MTUS2: variants seen among roughly 807,000 people sequenced by gnomAD.
The protein encoded by MTUS2 is microtubule-associated tumor suppressor candidate 2.
A neutral mutation model predicts 114.1 loss-of-function variants in MTUS2; 40 were observed. That is an observed-to-expected ratio of 0.35 (90% CI 0.27 to 0.46). The LOEUF is 0.46. Ranked by LOEUF, MTUS2 falls within the 20% of genes least tolerant of loss-of-function variation. MTUS2 has a pLI of 1.00. For missense variants in MTUS2, 1,679 were observed against 1,705.4 expected (o/e 0.98, Z 0.27); for synonymous variants, 688 against 672.0 (o/e 1.02, Z -0.37).
At chr13:29,045,099 T>G (rs370546813) in intron 4 of MTUS2, among the ~76,000 whole-genome samples, 1 of 152,228 alleles carries the variant, frequency 6.6e-6, no homozygotes, top group African/African-American at 2.4e-5. Context: ...AAACTTACTT[T>G]ATTAGGCCAG....
At chr13:29,277,480 G>T (rs1483264766) in intron 5 of MTUS2, among the ~76,000 whole-genome samples, 1 of 152,180 alleles carries the variant, frequency 6.6e-6, no homozygotes, top group African/African-American at 2.4e-5. Context: ...TGTGATATTT[G>T]TCTTATACAG....
chr13:29,227,696 C>A (rs1896166299), intron 5 of MTUS2, among the ~76,000 whole-genome samples: 1 of 152,190 alleles, frequency 6.6e-6, no homozygotes. Context: ...GTTACTTTAT[C>A]CTTGGAATAA....
chr13:29,419,225 G>A (rs568086418), intron 8 of MTUS2, among the ~76,000 whole-genome samples: 12 of 152,264 alleles, frequency 7.9e-5, no homozygotes, highest in South Asian at 2.1e-4. Flanking sequence ...GCTGGGACTC[G>A]AGTCTCATTA....
intron 4 of MTUS2, among the ~76,000 whole-genome samples, chr13:29,050,483 C>T (rs1887841306): frequency 6.6e-6 from 1 of 152,142 alleles, no homozygotes; most frequent in Non-Finnish European, 1.5e-5. Context: ...ATCTCCTATC[C>T]TGTATATTTT....
chr13:29,322,268 A>G (rs1900285245), intron 6 of MTUS2, among the ~76,000 whole-genome samples: 1 of 152,236 alleles, frequency 6.6e-6, no homozygotes, highest in African/African-American at 2.4e-5. Flanking sequence ...CTCAGCTTTC[A>G]GGAGTCTTAG....
chr13:28,954,467 C>T (rs762052251), intron 2 of MTUS2, among the ~76,000 whole-genome samples: 12 of 152,124 alleles, frequency 7.9e-5, no homozygotes, highest in East Asian at 3.9e-4. Context: ...TCCATGCACA[C>T]GGGGCATTTC....
chr13:29,404,176 C>CAAAAAA lies in MTUS2; in HGVS notation c.3118-35796_3118-35791dup, dbSNP rs33920912. 9.4e-5 allele frequency among the ~76,000 whole-genome samples: 12 copies of CAAAAAA among 127,772 alleles called. No homozygotes were observed. In the East Asian group the frequency reaches 2.1e-3, roughly 22 times the overall value. The allele number at this position is 127,772 out of a possible 152,430, so 83.8% of individuals were successfully genotyped here. ...CCTGCATGGTAAAACTCCATCTCTA[C>CAAAAAA]AAAAAAAAAAAAAAAAGTACAAAAA... On this transcript the variant is annotated intron_variant, in intron 8 of 15. Coordinates refer to ENST00000612955, the MANE Select transcript of MTUS2 (RefSeq NM_001033602.4).
intron 8 of MTUS2, among the ~76,000 whole-genome samples, chr13:29,390,164 G>A (rs1363983820): frequency 2.1e-5 from 3 of 144,648 alleles, no homozygotes; most frequent in African/African-American, 5.2e-5. Flanking sequence ...ACACACACTT[G>A]TGTGTGTGTG....
intron 8 of MTUS2, among the ~76,000 whole-genome samples, chr13:29,395,408 G>T (rs1232661819): frequency 6.6e-6 from 1 of 152,214 alleles, no homozygotes; most frequent in Non-Finnish European, 1.5e-5. Context: ...TGGTGGATTA[G>T]ATTGTAGGGA....
intron 2 of MTUS2, among the ~76,000 whole-genome samples, chr13:29,003,700 T>G (rs906126619): frequency 6.6e-6 from 1 of 152,168 alleles, no homozygotes; most frequent in African/African-American, 2.4e-5. Flanking sequence ...GCAAGAGAAG[T>G]CTTCTCAGGT....
chr13:29,134,141 T>C (rs770246535), intron 5 of MTUS2, among the ~76,000 whole-genome samples: 4 of 152,232 alleles, frequency 2.6e-5, no homozygotes, highest in Admixed American at 6.5e-5. Context: ...TCTTTTTTGA[T>C]TTGTTGGTTG....
At chr13:28,939,520 C>G (rs897098831) in intron 2 of MTUS2, among the ~76,000 whole-genome samples, 1 of 151,964 alleles carries the variant, frequency 6.6e-6, no homozygotes, top group Admixed American at 6.6e-5. Flanking sequence ...TAAGAAGCAT[C>G]AACAAAACAG....
At chr13:29,193,119 G>T (rs1234376773) in intron 5 of MTUS2, among the ~76,000 whole-genome samples, 1 of 152,150 alleles carries the variant, frequency 6.6e-6, no homozygotes, top group Admixed American at 6.6e-5. Context: ...CTGCAGAAAT[G>T]CTGTTAATAT....
At chr13:29,062,929 G>C (rs776713582) in intron 4 of MTUS2, among the ~76,000 whole-genome samples, 1 of 152,144 alleles carries the variant, frequency 6.6e-6, no homozygotes, top group African/African-American at 2.4e-5. Flanking sequence ...CATCATTTTC[G>C]TGTTTTTGAA....
At chr13:29,205,818 A>G (rs1398542353) in intron 5 of MTUS2, among the ~76,000 whole-genome samples, 2 of 152,192 alleles carry the variant, frequency 1.3e-5, no homozygotes, top group East Asian at 3.8e-4. Context: ...ACTGATGGAC[A>G]TTTGGGATGA....
chr13:28,938,190 C>G (rs1169762060), intron 2 of MTUS2, among the ~76,000 whole-genome samples: 1 of 152,126 alleles, frequency 6.6e-6, no homozygotes, highest in African/African-American at 2.4e-5. Flanking sequence ...CGAGACCATC[C>G]TGGTCAACAT....
intron 2 of MTUS2, among the ~76,000 whole-genome samples, chr13:28,851,234 G>T (rs1476332721): frequency 6.6e-6 from 1 of 152,280 alleles, no homozygotes; most frequent in East Asian, 1.9e-4. Flanking sequence ...AGAAATAAGA[G>T]ATCTGTAACA....
intron 1 of MTUS2, among the ~76,000 whole-genome samples, chr13:28,839,209 C>A (rs1027268179): frequency 1.3e-5 from 2 of 151,938 alleles, no homozygotes; most frequent in Non-Finnish European, 2.9e-5. Flanking sequence ...GAGTAATTTG[C>A]TGATTTTTTG....
chr13:29,387,111 T>C (rs1566170704), intron 8 of MTUS2, among the ~76,000 whole-genome samples: 1 of 152,252 alleles, frequency 6.6e-6, no homozygotes, highest in Non-Finnish European at 1.5e-5. Context: ...CTGCCCTGAC[T>C]GAGTTTACAT....
Sources: allele counts gnomAD v4.1 joint callset (sites outside exome capture counted in the v4.1 genomes callset), GRCh38; gene constraint gnomAD v4.1.1; transcripts MANE v1.5; gene names NCBI Gene and HGNC (gene_info 2026-07-23, HGNC 2026-07-21).